NRXN3: variants seen among roughly 807,000 people sequenced by gnomAD.
The protein encoded by NRXN3 is neurexin III.
NRXN3 carries 32 observed loss-of-function variants against 137.6 expected under a neutral mutation model. The ratio of observed to expected loss-of-function variants is 0.23; its 90% CI spans 0.18 to 0.31. The LOEUF is 0.31. Ranked by LOEUF, NRXN3 falls within the 10% of genes least tolerant of loss-of-function variation. The pLI is 1.00. For synonymous variants in NRXN3, 798 were observed against 784.5 expected, an observed-to-expected ratio of 1.02 and a Z score of -0.29; for missense variants, 1,574 against 2,062.5, an observed-to-expected ratio of 0.76 and a Z score of 4.59.
chr14:79,668,564 A>G (rs2153993469), intron 17 of NRXN3, among the ~76,000 whole-genome samples: 1 of 152,220 alleles, frequency 6.6e-6, no homozygotes, highest in South Asian at 2.1e-4. Flanking sequence ...CAGAGCCACG[A>G]TTTTATTAAT....
intron 4 of NRXN3, among the ~76,000 whole-genome samples, chr14:78,335,377 A>G (rs1231337186): frequency 6.6e-6 from 1 of 152,080 alleles, no homozygotes; most frequent in Non-Finnish European, 1.5e-5. Context: ...ATCTTTTCAT[A>G]TGTTGATCTC....
At chr14:78,976,004 C>G (rs531098658) in intron 14 of NRXN3, among the ~76,000 whole-genome samples, 1 of 152,196 alleles carries the variant, frequency 6.6e-6, no homozygotes, top group East Asian at 1.9e-4. Flanking sequence ...ATCAGTGTAC[C>G]TTGGACAGAA....
intron 15 of NRXN3, among the ~76,000 whole-genome samples, chr14:79,125,987 C>G (rs2056358637): frequency 6.6e-6 from 1 of 152,006 alleles, no homozygotes; most frequent in African/African-American, 2.4e-5. Context: ...TTTCAGTTAT[C>G]TTACTCATTG....
intron 15 of NRXN3, among the ~76,000 whole-genome samples, chr14:79,438,299 A>T (rs1194195636): frequency 6.6e-6 from 1 of 152,182 alleles, no homozygotes; most frequent in Non-Finnish European, 1.5e-5. Flanking sequence ...TTCTCTATCT[A>T]GGTATCCTGG....
chr14:79,638,473 G>A (rs974717538), intron 16 of NRXN3, among the ~76,000 whole-genome samples: 1 of 152,110 alleles, frequency 6.6e-6, no homozygotes, highest in African/African-American at 2.4e-5. Context: ...GAAAATTCAG[G>A]TCTGTCAAAC....
intron 16 of NRXN3, among the ~76,000 whole-genome samples, chr14:79,595,680 C>A (rs1434779528): frequency 2.0e-5 from 3 of 151,960 alleles, no homozygotes; most frequent in South Asian, 2.1e-4. Flanking sequence ...AACTTCATAT[C>A]ACGATATAAA....
intron 16 of NRXN3, among the ~76,000 whole-genome samples, chr14:79,479,892 T>TA (rs2096591864): frequency 6.6e-6 from 1 of 152,102 alleles, no homozygotes; most frequent in African/African-American, 2.4e-5. Flanking sequence ...CAAATCTCAA[T>TA]AAAAACACTT....
chr14:79,762,959 G>T (rs1253335689), intron 19 of NRXN3, among the ~76,000 whole-genome samples: 1 of 151,502 alleles, frequency 6.6e-6, no homozygotes, highest in Admixed American at 6.6e-5. Flanking sequence ...ATGGTAGTTT[G>T]CTGCACTCAC....
chr14:79,829,661 G>C (rs1013815171), intron 20 of NRXN3, among the ~76,000 whole-genome samples: 20 of 152,198 alleles, frequency 1.3e-4, no homozygotes, highest in African/African-American at 4.8e-4. Context: ...GTGTGTGTGT[G>C]CCTGTGTGTA....
intron 19 of NRXN3, among the ~76,000 whole-genome samples, chr14:79,775,148 G>C (rs908155446): frequency 1.3e-5 from 2 of 152,106 alleles, no homozygotes; most frequent in Admixed American, 6.6e-5. Context: ...GTAATTCTAT[G>C]ATCTATTAAT....
At chr14:79,787,902 A>C (rs1218689475) in intron 19 of NRXN3, among the ~76,000 whole-genome samples, 2 of 152,178 alleles carry the variant, frequency 1.3e-5, no homozygotes, top group African/African-American at 4.8e-5. Flanking sequence ...TCTCACAAGG[A>C]TGGGAAATAC....
intron 1 of NRXN3, among the ~76,000 whole-genome samples, chr14:78,209,161 G>A (rs1002792494): frequency 6.6e-6 from 1 of 152,306 alleles, no homozygotes; most frequent in Middle Eastern, 3.4e-3. Flanking sequence ...TGTGCAGCAA[G>A]GTGTGAAGGC....
At chr14:79,499,573 G>A (rs74070242) in intron 16 of NRXN3, among the ~76,000 whole-genome samples, 3,739 of 152,226 alleles carry the variant, frequency 0.025, 174 homozygotes, top group African/African-American at 0.086. Flanking sequence ...AAAGGAATGT[G>A]ACTGTTTAAA....
intron 14 of NRXN3, among the ~76,000 whole-genome samples, chr14:78,970,746 G>C (rs2099435185): frequency 6.6e-6 from 1 of 152,156 alleles, no homozygotes; most frequent in Admixed American, 6.5e-5. Flanking sequence ...TCTATGTGCA[G>C]TTTGGCATTA....
Position 79,861,903 on chromosome 14 carries a change from A to G in NRXN3, c.4655A>G (p.Gln1552Arg), listed in dbSNP as rs1452804198. 1 of 1,614,064 alleles carries G rather than the reference A, an allele frequency of 6.2e-7. No individual in the cohort carries two copies. The highest frequency in any genetic ancestry group is 1.7e-5 in the Admixed American group (1 of 60,004). ...QSNGTLMKEK[Q>R]QSSKSGHKKQ... Reference sequence around the variant, plus strand: ...AACGGCACGCTCATGAAGGAGAAGCAGCAGAGCTCGAAGAGCGGCCACAAG... The same window carrying G: ...AACGGCACGCTCATGAAGGAGAAGCGGCAGAGCTCGAAGAGCGGCCACAAG... The change falls in exon 21 of 21, where the codon CAG (glutamine) becomes CGG (arginine). Residue 1552 changes from glutamine to arginine, a missense_variant. Around this residue, in one of 5 missense-constraint regions of NRXN3, gnomAD observed 320 missense variants for 387.1 expected, o/e 0.83. Coordinates refer to ENST00000335750, the MANE Select transcript of NRXN3 (RefSeq NM_001330195.2). The surrounding 1 kb of genome is among the most constrained non-coding windows in gnomAD (Gnocchi z 5.4).
chr14:79,200,828 ATTTTTTTTTTTTTTTT>A (rs56194422), intron 15 of NRXN3, among the ~76,000 whole-genome samples: 2 of 59,082 alleles, frequency 3.4e-5, no homozygotes, highest in African/African-American at 6.0e-5. Context: ...TGTGAGCTGT[ATTTTTTTTTTTTTTTT>A]TTTTTTTTTT....
rs369317454 is a variant in NRXN3, at chr14:79,372,298, C to T, written c.3263-94923C>T. On this transcript the variant is annotated intron_variant, in intron 15 of 20. Transcript: ENST00000335750. ...GAAGATTGATTAGAAAGATAAATTT[C>T]GGCACACAGGGTCTCTGTTCTTGTA... is the stretch of plus-strand genomic sequence containing the variant. Among the ~76,000 whole-genome samples the T allele has an allele frequency of 4.0e-4, 61 of 152,202 alleles. 1 individual carries two copies. The East Asian group carries it at 6.0e-3, about 15-fold the overall frequency.
chr14:78,256,473 G>A (rs923713497), intron 2 of NRXN3, among the ~76,000 whole-genome samples: 6 of 152,234 alleles, frequency 3.9e-5, no homozygotes, highest in South Asian at 2.1e-4. Context: ...GTGCCAGCAT[G>A]TGCATGCCTT....
At chr14:79,491,612 A>AT (rs1361385381) in intron 16 of NRXN3, among the ~76,000 whole-genome samples, 2 of 152,086 alleles carry the variant, frequency 1.3e-5, no homozygotes, top group Non-Finnish European at 2.9e-5. Flanking sequence ...AAAAAAAGCA[A>AT]AAACAAAAAA....
Sources: allele counts gnomAD v4.1 joint callset (sites outside exome capture counted in the v4.1 genomes callset), GRCh38; gene constraint gnomAD v4.1.1; regional missense constraint gnomAD v4.1.1; non-coding constraint Gnocchi (gnomAD v3.1); transcripts MANE v1.5; gene names NCBI Gene and HGNC (gene_info 2026-07-23, HGNC 2026-07-21).